Variants in CTDP1 observed in about 807,000 individuals in gnomAD.
CTDP1 encodes the protein CTD phosphatase 1.
CTDP1 carries 47 observed loss-of-function variants against 91.8 expected under a neutral mutation model. The observed-to-expected ratio is 0.51, with a 90% confidence interval of 0.41 to 0.65. The LOEUF (loss-of-function observed/expected upper bound fraction) is 0.65. Ranked by LOEUF, CTDP1 falls within the 30% of genes least tolerant of loss-of-function variation. The pLI is 0.00. For missense variants in CTDP1, 1,272 were observed against 1,373.7 expected (o/e 0.93, Z 1.17); for synonymous variants, 656 against 598.5 (o/e 1.10, Z -1.40).
chr18:79,730,466 T>TTCGATATCAAGGGG (rs6146422), intron 11 of CTDP1, among the ~76,000 whole-genome samples: 2 of 152,042 alleles, frequency 1.3e-5, no homozygotes, highest in African/African-American at 2.4e-5. Context: ...TGGTTCTTAA[T>TTCGATATCAAGGGG]GGTTGAATTC....
At chr18:79,712,436 C>A (rs12458462) in intron 6 of CTDP1, among the ~76,000 whole-genome samples, 45,827 of 152,074 alleles carry the variant, frequency 0.3, 8,259 homozygotes, top group East Asian at 0.41. Context: ...CGCACACCCC[C>A]ACACCTGTCT....
intron 12 of CTDP1, 24 bp from the exon 13 acceptor site, chr18:79,753,628 C>T: frequency 6.2e-7 from 1 of 1,614,062 alleles, no homozygotes; most frequent in Non-Finnish European, 8.5e-7. Flanking sequence ...ACAAGCATCT[C>T]ACACCATGTT....
At chr18:79,714,052 C>T (rs3859319) in intron 7 of CTDP1, among the ~76,000 whole-genome samples, 1 of 149,430 alleles carries the variant, frequency 6.7e-6, no homozygotes, top group Admixed American at 6.6e-5. Flanking sequence ...CAGGGGCTTA[C>T]GGCCACGGTG....
chr18:79,683,054 T>C (rs1338048310), intron 1 of CTDP1: 1 of 152,228 alleles, frequency 6.6e-6, no homozygotes, highest in Non-Finnish European at 1.5e-5. Flanking sequence ...TCCGCGGTTC[T>C]CTTCTGCGGT....
At position 79,725,523 on chromosome 18, in the gene CTDP1, AT is replaced by A. The variant is rs373692705; in HGVS notation, c.2418-3374del. 6.9e-4 allele frequency among the ~76,000 whole-genome samples: 100 copies of A among 145,746 alleles called. 2 individuals carry two copies. The highest frequency in any genetic ancestry group is 4.3e-4 in the South Asian group (2 of 4,652). ...AGGAATTGCTCCGCTTACCTTCTCT[AT>A]TTTTTTTTTGTTTGTTTTTCAGCCT... On this transcript the variant is annotated intron_variant, in intron 10 of 12. Transcript: ENST00000613122.
chr18:79,725,737 T>G (rs897029425), intron 10 of CTDP1, among the ~76,000 whole-genome samples: 1 of 152,002 alleles, frequency 6.6e-6, no homozygotes, highest in Non-Finnish European at 1.5e-5. Context: ...TCCATCATGC[T>G]CTCGGGGCAG....
Position 79,727,447 on chromosome 18 carries a change from C to A in CTDP1, c.2418-1460C>A, listed in dbSNP as rs181668081. On this transcript the variant is annotated intron_variant, in intron 10 of 12. Transcript: ENST00000613122. The stretch of plus-strand genomic sequence containing the variant: ...TTCGTGGGGTGGGAAGCCTGGCATT[C>A]ACGGTGTTCGTGGGATGGGAAGCGC... Among the ~76,000 whole-genome samples, 173 of 151,736 alleles carry A rather than the reference C, an allele frequency of 1.1e-3. 1 individual carries two copies. The highest frequency in any genetic ancestry group is 9.6e-3 in the Admixed American group (146 of 15,262).
At chr18:79,712,871 G>A (rs890214492) in intron 6 of CTDP1, 101 bp from the exon 7 acceptor site, 3 of 1,294,692 alleles carry the variant, frequency 2.3e-6, no homozygotes, top group African/African-American at 1.5e-5. Flanking sequence ...GCTGTCTGCT[G>A]GTTACATGTG....
intron 4 of CTDP1, among the ~76,000 whole-genome samples, chr18:79,701,730 G>T (rs573093092): frequency 6.6e-6 from 1 of 152,246 alleles, no homozygotes; most frequent in East Asian, 1.9e-4. Context: ...CAGAGTATCT[G>T]CATCAACCAG....
intron 1 of CTDP1, among the ~76,000 whole-genome samples, chr18:79,684,057 G>A (rs983733498): frequency 6.6e-6 from 1 of 152,268 alleles, no homozygotes; most frequent in African/African-American, 2.4e-5. Context: ...GCAGAGAGCA[G>A]ACAGCGGCAG....
At chr18:79,676,833 A>C (rs1476106802), upstream of CTDP1, among the ~76,000 whole-genome samples, 1 of 152,208 alleles carries the variant, frequency 6.6e-6, no homozygotes, top group Non-Finnish European at 1.5e-5. Flanking sequence ...TGTTGATACT[A>C]ATGTTTTTTC....
chr18:79,679,897 CTGAGCGCAGCGCAGGCCCCGT>C lies in CTDP1; in HGVS notation c.-50_-30del. The C allele has an allele frequency of 7.5e-7, 1 of 1,336,212 alleles. No homozygotes were observed. Among genetic ancestry groups the C allele is most frequent in the Non-Finnish European group, 9.6e-7 (1 of 1,039,498 alleles). The allele number at this position is 1,336,212 out of a possible 1,614,324, so 82.8% of individuals were successfully genotyped here. A position where few individuals can be genotyped will look rare whatever the true frequency, so the allele number is the denominator to read the frequency against. On this transcript the variant is annotated 5_prime_UTR_variant, in exon 1 of 13. Transcript: ENST00000613122. ...GTGTCGCCGCGGTAGGCGCTGCGCTCTGAGCGCAGCGCAGGCCCCGTACCGACCGCCCGCCCGCCCTCTGTC... is the reference window on the plus strand; with the variant it reads ...GTGTCGCCGCGGTAGGCGCTGCGCTCACCGACCGCCCGCCCGCCCTCTGTC...
At chr18:79,691,110 T>C (rs1204948571) in intron 1 of CTDP1, among the ~76,000 whole-genome samples, 1 of 152,222 alleles carries the variant, frequency 6.6e-6, no homozygotes, top group Non-Finnish European at 1.5e-5. Context: ...GACACTGTTC[T>C]AGAAGCTTCC....
In CTDP1 at chr18:79,704,864, A is replaced by G. The variant is rs2122559553; in HGVS notation, c.719A>G (p.Tyr240Cys). 6.2e-7 allele frequency: 1 copy of G among 1,613,950 alleles called. No individual in the cohort carries two copies. The highest frequency in any genetic ancestry group is 8.5e-7 in the Non-Finnish European group (1 of 1,180,042). Residue 240 changes from tyrosine to cysteine, a missense_variant, in exon 5 of 13, where the codon TAC (tyrosine) becomes TGC (cysteine). Coordinates refer to ENST00000613122, the MANE Select transcript of CTDP1 (RefSeq NM_004715.5). ...TTCCTGGAGAAGATCGCCAAGCTGT[A>G]CGAGCTGCACGTCTTCACCTTCGGC... ...KDFLEKIAKL[Y>C]ELHVFTFGSR...
At chr18:79,717,332 G>A (rs2086233764) in intron 8 of CTDP1, among the ~76,000 whole-genome samples, 2 of 150,820 alleles carry the variant, frequency 1.3e-5, no homozygotes, top group African/African-American at 4.9e-5. Flanking sequence ...CCGGGTGAGG[G>A]CCCTGGTGGG....
intron 5 of CTDP1, among the ~76,000 whole-genome samples, chr18:79,708,386 G>C (rs933152501): frequency 3.9e-5 from 6 of 152,242 alleles, no homozygotes; most frequent in Non-Finnish European, 8.8e-5. Context: ...CAGTAGGGAT[G>C]GGTGCAGGGA....
intron 1 of CTDP1, among the ~76,000 whole-genome samples, chr18:79,684,848 C>A (rs1849565691): frequency 6.6e-6 from 1 of 152,092 alleles, no homozygotes; most frequent in Admixed American, 6.6e-5. Context: ...AACCTCCTCA[C>A]TCCATTGGAA....
At chr18:79,717,470 C>T in intron 8 of CTDP1, 65 bp from the exon 9 acceptor site, 1 of 1,603,196 alleles carries the variant, frequency 6.2e-7, no homozygotes, top group African/African-American at 1.3e-5. Flanking sequence ...GTGGGTGCAG[C>T]CGGATGTGGG....
Position 79,717,559 on chromosome 18 carries a change from A to G in CTDP1, c.2093A>G (p.Gln698Arg), listed in dbSNP as rs762794999. The G allele has an allele frequency of 3.7e-6, 6 of 1,613,584 alleles. No homozygotes were observed. The highest frequency in any genetic ancestry group is 5.1e-6 in the Non-Finnish European group (6 of 1,179,940). The change falls in exon 9 of 13, where the codon CAG becomes CGG. Residue 698 changes from glutamine to arginine, a missense_variant. Coordinates refer to ENST00000613122, the MANE Select transcript of CTDP1 (RefSeq NM_004715.5). The part of the protein sequence containing the change: ...RAGTEKVLQA[Q>R]ECGHLHVVNP... ...GGCACAGAGAAGGTGCTGCAGGCAC[A>G]GGAGTGCGGACACCTGCACGTGGTC...
Sources: gnomAD v4.1 joint callset for allele counts (sites outside exome capture counted in the v4.1 genomes callset) on GRCh38, gnomAD v4.1.1 for gene constraint, MANE v1.5 for transcripts, NCBI Gene and HGNC (gene_info 2026-07-23, HGNC 2026-07-21) for gene names.